KIRREL3: variants seen among roughly 807,000 people sequenced by gnomAD.
The protein encoded by KIRREL3 is kirre like nephrin family adhesion molecule 3, also known as kin of IRRE-like protein 3.
A neutral mutation model predicts 89.7 loss-of-function variants in KIRREL3; 36 were observed. The observed-to-expected ratio is 0.40, with a 90% CI of 0.31 to 0.53. The LOEUF (loss-of-function observed/expected upper bound fraction) is 0.53. Among genes scored for constraint, KIRREL3 ranks in the 20% least tolerant of loss-of-function variants. The pLI is 0.49. For synonymous variants in KIRREL3, 445 were observed against 441.4 expected, an observed-to-expected ratio of 1.01 and a Z score of -0.10; for missense variants, 864 against 1,056.6, an observed-to-expected ratio of 0.82 and a Z score of 2.53.
rs146173358 is a variant in KIRREL3 at position 126,877,044 on chromosome 11, G to A, written c.55+123411C>T. On this transcript the variant is annotated intron_variant, in intron 1 of 16. Coordinates refer to ENST00000525144, the MANE Select transcript of KIRREL3 (RefSeq NM_032531.4). This position sits in a 1 kb window ranked among gnomAD's most constrained non-coding sequence, Gnocchi z 4.9. ...TGCTGAGGTCTGCATAAGAATAAAGGTTGGTTGTGGCGCTTGGCCAAAGCA... is the reference window on the plus strand; with the variant it reads ...TGCTGAGGTCTGCATAAGAATAAAGATTGGTTGTGGCGCTTGGCCAAAGCA... Among the ~76,000 whole-genome samples the A allele has an allele frequency of 6.6e-6, 1 of 152,186 alleles. No homozygotes were observed. The highest frequency in any genetic ancestry group is 2.1e-4 in the South Asian group (1 of 4,832).
In KIRREL3 at chr11:126,690,663, G is replaced by A. The variant is rs56906979; in HGVS notation, c.56-127751C>T. On this transcript the variant is annotated intron_variant, in intron 1 of 16. Coordinates refer to ENST00000525144, the MANE Select transcript of KIRREL3 (RefSeq NM_032531.4). ...GGTGAATTCTCCAGTTGGCAAAAGA[G>A]GGAATGCAGGCTTCGCTGACTAATC... Among the ~76,000 whole-genome samples, 609 of 152,344 alleles carry A rather than the reference G, an allele frequency of 4.0e-3. 3 individuals carry two copies. Among genetic ancestry groups the A allele is most frequent in the African/African-American group, 0.014 (589 of 41,572 alleles).
chr11:126,864,785 A>G (rs548574167), intron 1 of KIRREL3, among the ~76,000 whole-genome samples: 2 of 152,330 alleles, frequency 1.3e-5, no homozygotes, highest in South Asian at 4.1e-4. Context: ...GCATGCCTCT[A>G]AAGCTGATGG....
intron 1 of KIRREL3, among the ~76,000 whole-genome samples, chr11:126,963,310 TACACAC>T (rs10626906): frequency 2.1e-5 from 3 of 146,170 alleles, no homozygotes; most frequent in East Asian, 2.0e-4. Flanking sequence ...AGAACACACA[TACACAC>T]ACACACACAC....
Position 126,897,947 on chromosome 11 carries a change from G to T in KIRREL3, c.55+102508C>A, listed in dbSNP as rs983903288. Among the ~76,000 whole-genome samples the T allele has an allele frequency of 6.6e-6, 1 of 152,144 alleles. No individual in the cohort carries two copies. Among genetic ancestry groups the T allele is most frequent in the African/African-American group, 2.4e-5 (1 of 41,438 alleles). On this transcript the variant is annotated intron_variant, in intron 1 of 16. Coordinates refer to ENST00000525144, the MANE Select transcript of KIRREL3 (RefSeq NM_032531.4). The surrounding 1 kb of genome is among the most constrained non-coding windows in gnomAD (Gnocchi z 4.2). The stretch of plus-strand genomic sequence containing the variant: ...ATCATTCTGCCTCTGCTTGGGAAGG[G>T]GGAGTGGGTGGGAGCTTGGACTGTC...
rs1591595434 is a variant in KIRREL3, at chr11:126,471,512, T to G, written c.591+1797A>C. ...GCTGGGGTGGGAGGTGTGGGGAGAG[T>G]GTGGGCACAGCCTCTGTTGTGGCTT... On this transcript the variant is annotated intron_variant, in intron 5 of 16. Coordinates refer to ENST00000525144, the MANE Select transcript of KIRREL3 (RefSeq NM_032531.4). The surrounding 1 kb of genome is among the most constrained non-coding windows in gnomAD (Gnocchi z 5.4). 6.7e-6 allele frequency among the ~76,000 whole-genome samples: 1 copy of G among 149,360 alleles called. No homozygotes were observed. Among genetic ancestry groups the G allele is most frequent in the African/African-American group, 2.5e-5 (1 of 40,292 alleles).
At chr11:126,533,548 C>A (rs1221499996) in intron 2 of KIRREL3, among the ~76,000 whole-genome samples, 1 of 152,226 alleles carries the variant, frequency 6.6e-6, no homozygotes, top group East Asian at 1.9e-4. Context: ...TGTTCACCTT[C>A]TTTAGCTCCC....
chr11:126,793,344 A>G (rs1489488615), intron 1 of KIRREL3, among the ~76,000 whole-genome samples: 1 of 152,186 alleles, frequency 6.6e-6, no homozygotes, highest in Non-Finnish European at 1.5e-5. Flanking sequence ...AGTGCAGGCA[A>G]TCTGGGTGGA....
rs1946488248 is a variant in KIRREL3 at position 126,682,175 on chromosome 11, T to G, written c.56-119263A>C. ...CATCACAGAGCTGCTGTGGAGTGTGTGCACAGATTCTGTGTACTAGGTCTG... is the reference window on the plus strand; with the variant it reads ...CATCACAGAGCTGCTGTGGAGTGTGGGCACAGATTCTGTGTACTAGGTCTG... On this transcript the variant is annotated intron_variant, in intron 1 of 16. Transcript: ENST00000525144. The surrounding 1 kb of genome is among the most constrained non-coding windows in gnomAD (Gnocchi z 4.8). 1 of 292,860 alleles carries G rather than the reference T, an allele frequency of 3.4e-6. No homozygotes were observed. 18.1% of individuals were successfully genotyped at this position (292,860 alleles called of 1,614,324 possible).
intron 1 of KIRREL3, among the ~76,000 whole-genome samples, chr11:126,672,421 C>A (rs1407140765): frequency 6.6e-6 from 1 of 152,040 alleles, no homozygotes; most frequent in African/African-American, 2.4e-5. Flanking sequence ...AGCTATCAGG[C>A]GACAACATGG....
At chr11:126,497,248 G>A (rs542581622) in intron 4 of KIRREL3, among the ~76,000 whole-genome samples, 1 of 151,980 alleles carries the variant, frequency 6.6e-6, no homozygotes, top group South Asian at 2.1e-4. Flanking sequence ...GTGTGAGTGT[G>A]TGCGTGACAG....
At position 126,569,732 on chromosome 11, in the gene KIRREL3, G is replaced by A. The variant is rs1212946140; in HGVS notation, c.56-6820C>T. Reference sequence around the variant, plus strand: ...AAAGACAGCTTCAGGCTGTGGGATGGTGAGGGAGGTCCTTGCAAAAGGCCT... The same window carrying A: ...AAAGACAGCTTCAGGCTGTGGGATGATGAGGGAGGTCCTTGCAAAAGGCCT... On this transcript the variant is annotated intron_variant, in intron 1 of 16. Transcript: ENST00000525144. This position sits in a 1 kb window ranked among gnomAD's most constrained non-coding sequence, Gnocchi z 6.5. Among the ~76,000 whole-genome samples, 1 of 152,216 alleles carries A rather than the reference G, an allele frequency of 6.6e-6. No homozygotes were observed. Among genetic ancestry groups the A allele is most frequent in the African/African-American group, 2.4e-5 (1 of 41,440 alleles).
chr11:126,572,190 G>C (rs1389714467), intron 1 of KIRREL3, among the ~76,000 whole-genome samples: 1 of 152,172 alleles, frequency 6.6e-6, no homozygotes, highest in Non-Finnish European at 1.5e-5. Flanking sequence ...AAAAGACTAA[G>C]ACTGAAGGCA....
At chr11:126,650,049 C>T (rs1490354399) in intron 1 of KIRREL3, among the ~76,000 whole-genome samples, 2 of 152,224 alleles carry the variant, frequency 1.3e-5, no homozygotes, top group East Asian at 3.9e-4. Context: ...GGGGCTTGCA[C>T]CCCATGAAGC....
At chr11:126,504,874 A>T (rs557475946) in intron 4 of KIRREL3, among the ~76,000 whole-genome samples, 13 of 152,232 alleles carry the variant, frequency 8.5e-5, no homozygotes, top group Non-Finnish European at 1.6e-4. Context: ...TTACTGTAAT[A>T]CACTATATTA....
In KIRREL3 at chr11:126,740,733, T is replaced by C. The variant is rs1948953683; in HGVS notation, c.56-177821A>G. 6.6e-6 allele frequency among the ~76,000 whole-genome samples: 1 copy of C among 152,096 alleles called. No individual in the cohort carries two copies. The highest frequency in any genetic ancestry group is 2.4e-5 in the African/African-American group (1 of 41,408). ...GGGCTAGGGACAGGGAGCACAAAAA[T>C]GGCCTGAAAGATAAATTTGTATTTT... On this transcript the variant is annotated intron_variant, in intron 1 of 16. Transcript: ENST00000525144. This position sits in a 1 kb window ranked among gnomAD's most constrained non-coding sequence, Gnocchi z 6.0.
intron 4 of KIRREL3, among the ~76,000 whole-genome samples, chr11:126,517,136 A>AAGAGAGAG (rs199586143): frequency 0.021 from 3,004 of 140,800 alleles, 65 homozygotes; most frequent in African/African-American, 0.042. Flanking sequence ...GAGAGAGAGA[A>AAGAGAGAG]AGAGAGAGAG....
intron 1 of KIRREL3, among the ~76,000 whole-genome samples, chr11:126,792,304 G>T (rs1950669683): frequency 6.6e-6 from 1 of 152,218 alleles, no homozygotes; most frequent in South Asian, 2.1e-4. Context: ...TGTTGGCAAC[G>T]TTGTAGTCAT....
chr11:126,923,197 T>A (rs1474103318), intron 1 of KIRREL3, among the ~76,000 whole-genome samples: 2 of 8,828 alleles, frequency 2.3e-4, no homozygotes, highest in South Asian at 5.6e-3. Flanking sequence ...CTCTTCTTCT[T>A]CTTCTTCTTC....
At position 126,616,146 on chromosome 11, in the gene KIRREL3, G is replaced by T. The variant is rs138077157; in HGVS notation, c.56-53234C>A. 4.3e-3 allele frequency among the ~76,000 whole-genome samples: 661 copies of T among 152,312 alleles called. 5 individuals carry two copies. The highest frequency in any genetic ancestry group is 0.015 in the African/African-American group (642 of 41,564). On this transcript the variant is annotated intron_variant, in intron 1 of 16. Coordinates refer to ENST00000525144, the MANE Select transcript of KIRREL3 (RefSeq NM_032531.4). The stretch of plus-strand genomic sequence containing the variant: ...AAGGAAATCTTTCATCAAAGTGATG[G>T]CATAGCTAAAGGCACAGAAAGAAAT...
Sources: allele counts gnomAD v4.1 joint callset (sites outside exome capture counted in the v4.1 genomes callset), GRCh38; gene constraint gnomAD v4.1.1; non-coding constraint Gnocchi (gnomAD v3.1); transcripts MANE v1.5; gene names NCBI Gene and HGNC (gene_info 2026-07-23, HGNC 2026-07-21).